Variants in OGDH observed in about 807,000 individuals in gnomAD.
The protein encoded by OGDH is 2-oxoglutarate dehydrogenase complex component E1.
A neutral mutation model predicts 116.6 loss-of-function variants in OGDH; 38 were observed. The ratio of observed to expected loss-of-function variants is 0.33; its 90% CI spans 0.25 to 0.43. OGDH has a LOEUF of 0.43. Among genes scored for constraint, OGDH ranks in the 20% least tolerant of loss-of-function variants. The probability of loss-of-function intolerance (pLI) is 1.00; values close to 1 mark genes in which losing one functional copy is unlikely to be tolerated. For missense variants in OGDH, 825 were observed against 1,357.2 expected, an observed-to-expected ratio of 0.61 and a Z score of 6.16; for synonymous variants, 488 against 533.3, an observed-to-expected ratio of 0.92 and a Z score of 1.17.
chr7:44,662,753 T>C (rs1787004903), intron 4 of OGDH, among the ~76,000 whole-genome samples: 1 of 152,194 alleles, frequency 6.6e-6, no homozygotes, highest in Non-Finnish European at 1.5e-5. Context: ...TGAGCCACTG[T>C]GCCCAGCCTA....
At chr7:44,612,520 A>G (rs899175884) in intron 1 of OGDH, among the ~76,000 whole-genome samples, 8 of 151,614 alleles carry the variant, frequency 5.3e-5, no homozygotes, top group Middle Eastern at 6.9e-3. Context: ...AGTAGGTGGG[A>G]CTACAGGCAT....
Position 44,707,779 on chromosome 7 carries a change from C to T in OGDH, c.2951+43C>T. 6.2e-7 allele frequency: 1 copy of T among 1,613,258 alleles called. No individual in the cohort carries two copies. On this transcript the variant is annotated intron_variant, in intron 22 of 22. Coordinates refer to ENST00000222673, the MANE Select transcript of OGDH (RefSeq NM_002541.4). The surrounding 1 kb of genome is among the most constrained non-coding windows in gnomAD (Gnocchi z 5.2). ...GCCAGGAAGGCTGTGGGACCCTCCC[C>T]TCAGGCCAGTAGGCAGTTAGCCAGG... is the stretch of plus-strand genomic sequence containing the variant.
chr7:44,612,885 C>T (rs1214065046), intron 1 of OGDH, among the ~76,000 whole-genome samples: 1 of 148,060 alleles, frequency 6.8e-6, no homozygotes, highest in African/African-American at 2.5e-5. Context: ...CTTTTCTTTT[C>T]TTTTCTTTTT....
intron 2 of OGDH, among the ~76,000 whole-genome samples, chr7:44,636,389 T>G (rs1259851465): frequency 2.6e-5 from 4 of 151,708 alleles, no homozygotes; most frequent in African/African-American, 7.3e-5. Flanking sequence ...AAGGGCAGAG[T>G]CTGCTGCCTG....
At chr7:44,670,111 A>C (rs1295157374) in intron 5 of OGDH, among the ~76,000 whole-genome samples, 1 of 152,060 alleles carries the variant, frequency 6.6e-6, no homozygotes, top group African/African-American at 2.4e-5. Flanking sequence ...ACACAGCATG[A>C]TCTAGTGGCC....
chr7:44,689,748 TG>T (rs955406014), intron 10 of OGDH, among the ~76,000 whole-genome samples: 5 of 152,212 alleles, frequency 3.3e-5, no homozygotes, highest in African/African-American at 1.2e-4. Context: ...ATTTTTTGAC[TG>T]GATTGTCTTT....
At chr7:44,653,009 G>T (rs1223228211) in intron 4 of OGDH, among the ~76,000 whole-genome samples, 4 of 152,136 alleles carry the variant, frequency 2.6e-5, no homozygotes, top group African/African-American at 7.2e-5. Flanking sequence ...CCACTCATTT[G>T]CCTAATTAGA....
intron 1 of OGDH, among the ~76,000 whole-genome samples, chr7:44,620,784 C>T (rs1026253776): frequency 4.0e-5 from 6 of 151,546 alleles, no homozygotes; most frequent in Non-Finnish European, 7.4e-5. Context: ...CATCAGCTGT[C>T]GTTAGTGTTA....
chr7:44,630,783 G>T (rs912518845), intron 2 of OGDH, among the ~76,000 whole-genome samples: 7 of 152,186 alleles, frequency 4.6e-5, no homozygotes, highest in African/African-American at 1.7e-4. Context: ...AACTCCTTTG[G>T]CACCAGGGAC....
intron 5 of OGDH, among the ~76,000 whole-genome samples, chr7:44,667,699 G>A (rs1372173830): frequency 6.6e-6 from 1 of 152,162 alleles, no homozygotes; most frequent in Non-Finnish European, 1.5e-5. Context: ...TGACTTCTAT[G>A]CCCATTGCAG....
rs760780569 is a variant in OGDH at position 44,707,239 on chromosome 7, C to T, written c.2647C>T (p.Arg883Trp). Reference protein sequence around the residue: ...DEMLPGTHFQRVIPEDGPAAQ... With the variant: ...DEMLPGTHFQWVIPEDGPAAQ... The stretch of plus-strand genomic sequence containing the variant: ...CTCTCTTGTAGGAACCCACTTCCAG[C>T]GGGTGATCCCAGAAGATGGCCCTGC... Residue 883 changes from arginine (R) to tryptophan (W), a missense_variant, in exon 21 of 23, where the codon CGG (arginine) becomes TGG (tryptophan). Arg to Trp is a moderately radical substitution (Grantham distance 101). Around this residue, in one of 7 missense-constraint regions of OGDH, gnomAD observed 212 missense variants for 284.3 expected, o/e 0.75. Coordinates refer to ENST00000222673, the MANE Select transcript of OGDH (RefSeq NM_002541.4). The surrounding 1 kb of genome is among the most constrained non-coding windows in gnomAD (Gnocchi z 5.2). 1.9e-6 allele frequency: 3 copies of T among 1,614,090 alleles called. No individual in the cohort carries two copies. Among genetic ancestry groups the T allele is most frequent in the African/African-American group, 1.3e-5 (1 of 75,044 alleles).
At chr7:44,706,145 G>A (rs908284168) in intron 20 of OGDH, among the ~76,000 whole-genome samples, 4 of 151,976 alleles carry the variant, frequency 2.6e-5, no homozygotes, top group African/African-American at 9.7e-5. Flanking sequence ...GTATCACCAT[G>A]TTGCCCAGGC....
intron 20 of OGDH, among the ~76,000 whole-genome samples, chr7:44,706,372 AGT>A (rs1789070380): frequency 1.4e-5 from 2 of 145,892 alleles, no homozygotes; most frequent in East Asian, 4.1e-4. Context: ...CCCAGGCTGG[AGT>A]GCAATGGCGC....
At chr7:44,658,253 T>C (rs921171822) in intron 4 of OGDH, among the ~76,000 whole-genome samples, 2 of 152,190 alleles carry the variant, frequency 1.3e-5, no homozygotes, top group Admixed American at 1.3e-4. Context: ...TCTCCTCATT[T>C]ATTTGGATCA....
In OGDH at chr7:44,707,996, G is replaced by T; in HGVS notation, c.3069G>T (p.Ser1023=). The change falls in exon 23 of 23, where the codon TCG becomes TCT. Residue 1023 remains serine, a synonymous_variant. Transcript: ENST00000222673. This position sits in a 1 kb window ranked among gnomAD's most constrained non-coding sequence, Gnocchi z 5.2. ...AFDLDVFKNF[S] is the part of the protein sequence containing the mutation. ...ACCTGGACGTCTTCAAGAACTTCTC[G>T]TAGATGCTGCCTAGGGTTGCTTGGG... 1 of 1,612,774 alleles carries T rather than the reference G, an allele frequency of 6.2e-7. No individual in the cohort carries two copies.
At chr7:44,656,559 T>C (rs1786699453) in intron 4 of OGDH, among the ~76,000 whole-genome samples, 1 of 152,242 alleles carries the variant, frequency 6.6e-6, no homozygotes, top group South Asian at 2.1e-4. Context: ...TTATATGGTA[T>C]CGTTTTGTTT....
At position 44,707,207 on chromosome 7, in the gene OGDH, A is replaced by G. The variant is rs1026397847; in HGVS notation, c.2633-18A>G. 6.2e-7 allele frequency: 1 copy of G among 1,613,264 alleles called. No individual in the cohort carries two copies. Among genetic ancestry groups the G allele is most frequent in the African/African-American group, 1.3e-5 (1 of 74,926 alleles). On this transcript the variant is annotated intron_variant, in intron 20 of 22. Transcript: ENST00000222673. The surrounding 1 kb of genome is among the most constrained non-coding windows in gnomAD (Gnocchi z 5.2). ...CATACCTGAGAGAACCAGCCTAGCC[A>G]TGGGAACTCTCTTGTAGGAACCCAC...
intron 18 of OGDH, among the ~76,000 whole-genome samples, 158 bp downstream of exon 18, chr7:44,698,421 T>C (rs1019840570): frequency 3.3e-5 from 5 of 152,108 alleles, no homozygotes; most frequent in Admixed American, 3.3e-4. Flanking sequence ...TGTGGCCCCA[T>C]GCTTCTGGGC....
At chr7:44,671,928 G>C (rs1319621984) in intron 5 of OGDH, among the ~76,000 whole-genome samples, 1 of 151,776 alleles carries the variant, frequency 6.6e-6, no homozygotes, top group African/African-American at 2.4e-5. Flanking sequence ...AATTAGCCGG[G>C]TGTGGTGGCG....
Sources: allele counts gnomAD v4.1 joint callset (sites outside exome capture counted in the v4.1 genomes callset), GRCh38; gene constraint gnomAD v4.1.1; regional missense constraint gnomAD v4.1.1; non-coding constraint Gnocchi (gnomAD v3.1); transcripts MANE v1.5; gene names NCBI Gene and HGNC (gene_info 2026-07-23, HGNC 2026-07-21).